Variants in TACR3 observed in about 807,000 individuals in gnomAD.
The protein encoded by TACR3 is tachykinin receptor 3.
In TACR3, 34 loss-of-function variants were observed where a neutral mutation model predicts 35.0. That is an observed-to-expected ratio of 0.97 (90% CI 0.74 to 1.30). The LOEUF (loss-of-function observed/expected upper bound fraction) is 1.30, where lower values mean the gene tolerates loss of function less well. Ranked by LOEUF, TACR3 falls within the 50% of genes most tolerant of loss-of-function variation. TACR3 has a pLI of 0.00. For synonymous variants in TACR3, 233 were observed against 221.1 expected (o/e 1.05, Z -0.48); for missense variants, 558 against 591.7 (o/e 0.94, Z 0.59).
intron 3 of TACR3, among the ~76,000 whole-genome samples, chr4:103,654,477 A>C (rs1207618794): frequency 1.7e-4 from 24 of 143,760 alleles, no homozygotes; most frequent in African/African-American, 6.2e-4. Context: ...GTTCTCACTC[A>C]TTGGTGGGAA....
chr4:103,677,923 C>T (rs1009658502), intron 1 of TACR3, among the ~76,000 whole-genome samples: 2 of 145,886 alleles, frequency 1.4e-5, no homozygotes, highest in Non-Finnish European at 3.0e-5. Flanking sequence ...TTGTGAGTGG[C>T]ATAGAAAGAA....
chr4:103,640,385 A>G (rs574071357), intron 3 of TACR3, among the ~76,000 whole-genome samples: 8 of 152,100 alleles, frequency 5.3e-5, no homozygotes, highest in Non-Finnish European at 4.4e-5. Context: ...AGAATCAAGA[A>G]TAGAGAAAAA....
At chr4:103,717,945 GTTTA>G (rs1316673651) in intron 1 of TACR3, among the ~76,000 whole-genome samples, 2 of 152,052 alleles carry the variant, frequency 1.3e-5, no homozygotes, top group South Asian at 4.1e-4. Context: ...GTGATTTTGT[GTTTA>G]TTTATTCTAG....
intron 3 of TACR3, among the ~76,000 whole-genome samples, chr4:103,636,370 T>C (rs1051825053): frequency 1.1e-4 from 17 of 152,004 alleles, no homozygotes; most frequent in Admixed American, 4.6e-4. Flanking sequence ...CATGAGTTTT[T>C]TTCTGAGAAT....
At chr4:103,715,516 TTCTTTA>T (rs144902446) in intron 1 of TACR3, among the ~76,000 whole-genome samples, 6,585 of 152,246 alleles carry the variant, frequency 0.043, 163 homozygotes, top group Non-Finnish European at 0.05. Context: ...TAAACCTCTT[TTCTTTA>T]TCAATTACCC....
At chr4:103,702,843 T>C (rs537644441) in intron 1 of TACR3, among the ~76,000 whole-genome samples, 39 of 136,892 alleles carry the variant, frequency 2.8e-4, no homozygotes, top group African/African-American at 7.0e-4. Context: ...TAGGTGGGAA[T>C]TGAACAATGA....
At chr4:103,624,581 TAAGC>T (rs1724850056) in intron 3 of TACR3, 1 of 152,184 alleles carries the variant, frequency 6.6e-6, no homozygotes, top group South Asian at 2.1e-4. Context: ...ATTTACAACT[TAAGC>T]AAAGTAGTAG....
chr4:103,684,332 TC>T (rs1435928391), intron 1 of TACR3, among the ~76,000 whole-genome samples: 8 of 151,978 alleles, frequency 5.3e-5, no homozygotes, highest in African/African-American at 1.9e-4. Context: ...TCTCCAAAAA[TC>T]CCCACATAGA....
At chr4:103,691,953 T>C (rs1439929375) in intron 1 of TACR3, among the ~76,000 whole-genome samples, 2 of 152,170 alleles carry the variant, frequency 1.3e-5, no homozygotes, top group African/African-American at 4.8e-5. Flanking sequence ...TAAATCTCTG[T>C]TTGGGGCTCT....
chr4:103,702,035 C>A (rs2065495603), intron 1 of TACR3, among the ~76,000 whole-genome samples: 1 of 152,052 alleles, frequency 6.6e-6, no homozygotes, highest in Non-Finnish European at 1.5e-5. Flanking sequence ...GCAACAAAAG[C>A]CAAAATTGAC....
chr4:103,611,830 T>C (rs1724519139), intron 3 of TACR3, among the ~76,000 whole-genome samples: 1 of 152,172 alleles, frequency 6.6e-6, no homozygotes. Context: ...CACTTATAAG[T>C]CATGGTTGTT....
chr4:103,666,415 G>GA (rs1276926278), intron 1 of TACR3, among the ~76,000 whole-genome samples: 3 of 151,828 alleles, frequency 2.0e-5, no homozygotes, highest in African/African-American at 7.3e-5. Context: ...ACAGGACAGG[G>GA]AAAAAACAGG....
At chr4:103,648,109 A>T (rs1311779108) in intron 3 of TACR3, among the ~76,000 whole-genome samples, 2 of 151,868 alleles carry the variant, frequency 1.3e-5, no homozygotes, top group Admixed American at 1.3e-4. Context: ...TTCAGCTCTT[A>T]TATATTCTTG....
intron 1 of TACR3, among the ~76,000 whole-genome samples, chr4:103,718,179 A>G (rs980604830): frequency 1.3e-5 from 2 of 152,092 alleles, no homozygotes; most frequent in African/African-American, 4.8e-5. Context: ...TTTTATTTTG[A>G]TATGTTTGTT....
At chr4:103,627,855 C>G (rs910645341) in intron 3 of TACR3, among the ~76,000 whole-genome samples, 1 of 152,114 alleles carries the variant, frequency 6.6e-6, no homozygotes, top group Admixed American at 6.5e-5. Flanking sequence ...CTTCTTAGAA[C>G]CACATCACAC....
At chr4:103,703,734 A>T (rs980135075) in intron 1 of TACR3, among the ~76,000 whole-genome samples, 1 of 152,134 alleles carries the variant, frequency 6.6e-6, no homozygotes, top group Non-Finnish European at 1.5e-5. Flanking sequence ...CATGCTGGAC[A>T]TTTGATTTAG....
At chr4:103,702,134 T>A (rs1484905346) in intron 1 of TACR3, among the ~76,000 whole-genome samples, 1 of 151,722 alleles carries the variant, frequency 6.6e-6, no homozygotes, top group Non-Finnish European at 1.5e-5. Flanking sequence ...TGGGAGAAAA[T>A]TTTCGCAACT....
rs1723798747 is a variant in TACR3, at chr4:103,587,762, T to C, written c.*1920A>G. On this transcript the variant is annotated 3_prime_UTR_variant, in exon 5 of 5. Coordinates refer to ENST00000304883, the MANE Select transcript of TACR3 (RefSeq NM_001059.3). ...TTCTTGACACTTTAACATTGTATGA[T>C]AAATATATGTTTTAAGAATGAACAT... 1 of 152,148 alleles carries C rather than the reference T, an allele frequency of 6.6e-6. No individual in the cohort carries two copies. Among genetic ancestry groups the C allele is most frequent in the Non-Finnish European group, 1.5e-5 (1 of 67,998 alleles). 9.4% of individuals were successfully genotyped at this position (152,148 alleles called of 1,614,324 possible). A position where few individuals can be genotyped will look rare whatever the true frequency, so the allele number is the denominator to read the frequency against.
chr4:103,652,185 C>A (rs1725635121), intron 3 of TACR3, among the ~76,000 whole-genome samples: 1 of 152,052 alleles, frequency 6.6e-6, no homozygotes, highest in Admixed American at 6.6e-5. Flanking sequence ...GTCTTTGTGG[C>A]CTATACTGCA....
Sources: gnomAD v4.1 joint callset for allele counts (sites outside exome capture counted in the v4.1 genomes callset) on GRCh38, gnomAD v4.1.1 for gene constraint, MANE v1.5 for transcripts, NCBI Gene and HGNC (gene_info 2026-07-23, HGNC 2026-07-21) for gene names.